The following CLSTN2 variants were observed in gnomAD, a reference collection of about 807,000 sequenced individuals.
CLSTN2 encodes the protein calsyntenin 2, also known as calsyntenin-2.
In CLSTN2, 48 loss-of-function variants were observed where a neutral mutation model predicts 101.2. The ratio of observed to expected loss-of-function variants is 0.47; its 90% CI spans 0.38 to 0.60. CLSTN2 has a LOEUF of 0.60. Among genes scored for constraint, CLSTN2 ranks in the 20% least tolerant of loss-of-function variants. CLSTN2 has a pLI of 0.00. For missense variants in CLSTN2, 1,160 were observed against 1,238.2 expected, an observed-to-expected ratio of 0.94 and a Z score of 0.95; for synonymous variants, 481 against 463.6, an observed-to-expected ratio of 1.04 and a Z score of -0.48.
At chr3:140,467,644 C>A (rs572535680) in intron 8 of CLSTN2, among the ~76,000 whole-genome samples, 1 of 152,234 alleles carries the variant, frequency 6.6e-6, no homozygotes, top group South Asian at 2.1e-4. Flanking sequence ...TTCTGGGACC[C>A]CCAGTCTTCT....
intron 1 of CLSTN2, among the ~76,000 whole-genome samples, chr3:140,121,483 A>G (rs2009340182): frequency 6.6e-6 from 1 of 152,198 alleles, no homozygotes; most frequent in Admixed American, 6.5e-5. Context: ...GTTCCAACAC[A>G]TAGTAGGGAC....
intron 1 of CLSTN2, among the ~76,000 whole-genome samples, chr3:140,060,635 T>C (rs528482984): frequency 2.8e-4 from 43 of 152,208 alleles, no homozygotes; most frequent in African/African-American, 9.2e-4. Flanking sequence ...GGGGAGGTGC[T>C]TCACTTCTGA....
At chr3:140,409,323 G>T (rs938076753) in intron 4 of CLSTN2, among the ~76,000 whole-genome samples, 5 of 152,274 alleles carry the variant, frequency 3.3e-5, no homozygotes, top group Admixed American at 3.3e-4. Flanking sequence ...TGGACCCAGG[G>T]CACCACTGAG....
chr3:140,181,969 C>T (rs2010414717), intron 2 of CLSTN2, among the ~76,000 whole-genome samples: 1 of 152,192 alleles, frequency 6.6e-6, no homozygotes, highest in Admixed American at 6.5e-5. Flanking sequence ...TTACATGATA[C>T]ACAGATATAG....
intron 5 of CLSTN2, among the ~76,000 whole-genome samples, chr3:140,440,097 G>T (rs1230768946): frequency 3.9e-5 from 6 of 152,132 alleles, no homozygotes; most frequent in Admixed American, 2.0e-4. Flanking sequence ...GAGATTGGGG[G>T]AGACTCATCA....
chr3:140,434,977 G>A (rs1245138658), intron 5 of CLSTN2, among the ~76,000 whole-genome samples: 2 of 152,136 alleles, frequency 1.3e-5, no homozygotes, highest in Non-Finnish European at 2.9e-5. Context: ...TTCATGAGAT[G>A]TTTTGATACA....
At chr3:140,419,075 T>A (rs1183107745) in intron 4 of CLSTN2, among the ~76,000 whole-genome samples, 1 of 152,248 alleles carries the variant, frequency 6.6e-6, no homozygotes, top group East Asian at 1.9e-4. Context: ...TTTTCTAATT[T>A]TCCAAGCTTT....
At chr3:139,964,369 G>A (rs1422316603) in intron 1 of CLSTN2, among the ~76,000 whole-genome samples, 1 of 152,174 alleles carries the variant, frequency 6.6e-6, no homozygotes, top group East Asian at 1.9e-4. Flanking sequence ...CATGTTGGAG[G>A]TCGGTGCAAG....
At chr3:139,996,961 T>C (rs7639554) in intron 1 of CLSTN2, among the ~76,000 whole-genome samples, 83,093 of 150,110 alleles carry the variant, frequency 0.55, 25,113 homozygotes, top group Non-Finnish European at 0.67. Context: ...GCAGGAGAAT[T>C]GCTTGAACCC....
chr3:140,159,504 A>G (rs1217788160), intron 1 of CLSTN2, among the ~76,000 whole-genome samples: 3 of 152,022 alleles, frequency 2.0e-5, no homozygotes, highest in African/African-American at 7.2e-5. Context: ...TGGCTATTAT[A>G]AAAACAAAAA....
chr3:140,403,423 A>T (rs1223517510), intron 2 of CLSTN2, among the ~76,000 whole-genome samples: 1 of 152,220 alleles, frequency 6.6e-6, no homozygotes, highest in East Asian at 1.9e-4. Flanking sequence ...ATGCAGATCC[A>T]GTTCAGGAGG....
At position 140,036,445 on chromosome 3, in the gene CLSTN2, A is replaced by G. The variant is rs184167577; in HGVS notation, c.109+100962A>G. 1.1e-3 allele frequency among the ~76,000 whole-genome samples: 160 copies of G among 152,240 alleles called. 2 individuals carry two copies. The highest frequency in any genetic ancestry group is 3.5e-3 in the African/African-American group (146 of 41,544). Reference sequence around the variant, plus strand: ...TGTTTTCCCTGAAGAATCAGAGGGCATTGTTCATCTCTACCTTTTCTAGTT... The same window carrying G: ...TGTTTTCCCTGAAGAATCAGAGGGCGTTGTTCATCTCTACCTTTTCTAGTT... On this transcript the variant is annotated intron_variant, in intron 1 of 16. Coordinates refer to ENST00000458420, the MANE Select transcript of CLSTN2 (RefSeq NM_022131.3).
At chr3:140,146,719 A>G (rs1212111643) in intron 1 of CLSTN2, among the ~76,000 whole-genome samples, 1 of 152,244 alleles carries the variant, frequency 6.6e-6, no homozygotes, top group Non-Finnish European at 1.5e-5. Flanking sequence ...TAGGATGGCC[A>G]AGTGCAGGAG....
At position 140,111,701 on chromosome 3, in the gene CLSTN2, T is replaced by C. The variant is rs181839664; in HGVS notation, c.110-64250T>C. Among the ~76,000 whole-genome samples the C allele has an allele frequency of 7.4e-4, 112 of 152,142 alleles. 1 individual carries two copies. Among genetic ancestry groups the C allele is most frequent in the Middle Eastern group, 3.4e-3 (1 of 294 alleles). ...CTGGGGCCTACAAGAGGAGTAAAAA[T>C]GGCCCGTCTCTTCAAGCAGTCAAGG... is the stretch of plus-strand genomic sequence containing the variant. On this transcript the variant is annotated intron_variant, in intron 1 of 16. Coordinates refer to ENST00000458420, the MANE Select transcript of CLSTN2 (RefSeq NM_022131.3).
At chr3:140,445,286 T>C (rs1933050707) in intron 5 of CLSTN2, among the ~76,000 whole-genome samples, 2 of 152,188 alleles carry the variant, frequency 1.3e-5, no homozygotes, top group African/African-American at 4.8e-5. Context: ...GAACTCCTTT[T>C]AAAAAAGATT....
intron 2 of CLSTN2, among the ~76,000 whole-genome samples, chr3:140,222,883 A>AAAAAC (rs2086287238): frequency 6.6e-6 from 1 of 151,376 alleles, no homozygotes; most frequent in African/African-American, 2.4e-5. Flanking sequence ...AGAAAAAAAA[A>AAAAAC]AAAAACACTG....
intron 9 of CLSTN2, among the ~76,000 whole-genome samples, chr3:140,534,074 A>T (rs760989696): frequency 7.9e-5 from 12 of 152,148 alleles, no homozygotes; most frequent in African/African-American, 1.2e-4. Flanking sequence ...ACATGGCAAG[A>T]GTTCATGAAA....
intron 1 of CLSTN2, among the ~76,000 whole-genome samples, chr3:140,172,339 G>A (rs964481795): frequency 1.3e-5 from 2 of 152,048 alleles, no homozygotes; most frequent in African/African-American, 4.8e-5. Context: ...AATGGAGTAG[G>A]GCAAGATTTC....
intron 1 of CLSTN2, among the ~76,000 whole-genome samples, chr3:139,972,286 A>C (rs1002255486): frequency 1.3e-5 from 2 of 151,320 alleles, no homozygotes; most frequent in African/African-American, 4.9e-5. Context: ...GTTTGATAGG[A>C]CCCTGGGGGG....
Sources: allele counts gnomAD v4.1 joint callset (sites outside exome capture counted in the v4.1 genomes callset), GRCh38; gene constraint gnomAD v4.1.1; transcripts MANE v1.5; gene names NCBI Gene and HGNC (gene_info 2026-07-23, HGNC 2026-07-21).